Variants in STK32B observed in about 807,000 individuals in gnomAD.
The protein encoded by STK32B is serine/threonine kinase 32B.
STK32B carries 43 observed loss-of-function variants against 52.6 expected under a neutral mutation model. The observed-to-expected ratio is 0.82, with a 90% CI of 0.64 to 1.05. The LOEUF is 1.05. Among genes scored for constraint, STK32B ranks in the 50% least tolerant of loss-of-function variants. The pLI is 0.00. For synonymous variants in STK32B, 238 were observed against 204.3 expected (o/e 1.17, Z -1.41); for missense variants, 621 against 534.6 (o/e 1.16, Z -1.59).
chr4:5,262,697 AT>A (rs1327325418), intron 3 of STK32B, among the ~76,000 whole-genome samples: 1 of 152,050 alleles, frequency 6.6e-6, no homozygotes, highest in Non-Finnish European at 1.5e-5. Context: ...GTATTAACCA[AT>A]TTTTTAAAGC....
chr4:5,111,340 TAGC>T (rs1714392594), intron 1 of STK32B, among the ~76,000 whole-genome samples: 1 of 152,252 alleles, frequency 6.6e-6, no homozygotes, highest in Non-Finnish European at 1.5e-5. Flanking sequence ...CTATTTATAA[TAGC>T]AGAGTCACAG....
At position 5,460,051 on chromosome 4, in the gene STK32B, T is replaced by C; in HGVS notation, c.784-52T>C. 6 of 1,614,044 alleles carry C rather than the reference T, an allele frequency of 3.7e-6. No homozygotes were observed. The highest frequency in any genetic ancestry group is 5.1e-6 in the Non-Finnish European group (6 of 1,179,970). Reference sequence around the variant, plus strand: ...AGACCCCCTCCTTCAGAGTCCCCGCTAACCTTGAGGGATGCCCAATTCATG... The same window carrying C: ...AGACCCCCTCCTTCAGAGTCCCCGCCAACCTTGAGGGATGCCCAATTCATG... On this transcript the variant is annotated intron_variant, in intron 8 of 11. Coordinates refer to ENST00000282908, the MANE Select transcript of STK32B (RefSeq NM_018401.3). The surrounding 1 kb of genome is among the most constrained non-coding windows in gnomAD (Gnocchi z 4.8).
At chr4:5,221,545 G>A (rs960211444) in intron 3 of STK32B, among the ~76,000 whole-genome samples, 3 of 152,200 alleles carry the variant, frequency 2.0e-5, no homozygotes, top group African/African-American at 2.4e-5. Context: ...AACCTCAGAT[G>A]TGAAATGGGG....
chr4:5,499,158 G>GA lies in STK32B; in HGVS notation c.*76dup. Reference sequence around the variant, plus strand: ...CACCCAGAGCCCCTCTTTGTGCCCTGATGGTCCCTGTCTCACCCCTGAAAA... The same window carrying GA: ...CACCCAGAGCCCCTCTTTGTGCCCTGAATGGTCCCTGTCTCACCCCTGAAAA... On this transcript the variant is annotated 3_prime_UTR_variant, in exon 12 of 12. Transcript: ENST00000282908. 4.0e-6 allele frequency: 6 copies of GA among 1,497,386 alleles called. No homozygotes were observed. The highest frequency in any genetic ancestry group is 5.4e-6 in the Non-Finnish European group (6 of 1,116,676). 92.8% of individuals were successfully genotyped at this position (1,497,386 alleles called of 1,614,324 possible). A position where few individuals can be genotyped will look rare whatever the true frequency, so the allele number is the denominator to read the frequency against.
the STK32B span, among the ~76,000 whole-genome samples, chr4:5,023,803 G>A: frequency 0.014 from 2,180 of 152,196 alleles, 163 homozygotes; most frequent in Admixed American, 0.12. Context: ...GCTCCTCCTT[G>A]TTTCAAAGTC....
intron 3 of STK32B, among the ~76,000 whole-genome samples, chr4:5,309,435 C>T (rs541363820): frequency 3.3e-5 from 5 of 152,156 alleles, no homozygotes; most frequent in Non-Finnish European, 7.4e-5. Context: ...CCAAAGCAAT[C>T]CTGAGCAAAA....
At chr4:5,350,839 C>T (rs1404307530) in intron 4 of STK32B, among the ~76,000 whole-genome samples, 1 of 151,796 alleles carries the variant, frequency 6.6e-6, no homozygotes, top group African/African-American at 2.4e-5. Flanking sequence ...AGGAGTAGCT[C>T]TACTATATCA....
intron 3 of STK32B, among the ~76,000 whole-genome samples, chr4:5,322,938 T>G (rs528815825): frequency 1.3e-5 from 2 of 152,320 alleles, no homozygotes; most frequent in South Asian, 4.1e-4. Flanking sequence ...GGCTGATGAT[T>G]GAGTACATGA....
intron 3 of STK32B, among the ~76,000 whole-genome samples, chr4:5,249,477 TCCTTCCTTCCTTCCTTCCTTCCTTCCTC>T (rs1560259359): frequency 1.5e-5 from 2 of 130,656 alleles, no homozygotes; most frequent in East Asian, 2.5e-4. Flanking sequence ...CTTCCTTCCT[TCCTTCCTTCCTTCCTTCCTTCCTTCCTC>T]CCTCCCTTCC....
chr4:5,217,627 T>G (rs1052722894), intron 3 of STK32B, among the ~76,000 whole-genome samples: 4 of 152,314 alleles, frequency 2.6e-5, no homozygotes, highest in African/African-American at 9.6e-5. Context: ...AGTCATACAA[T>G]GTGGCATCCA....
At chr4:5,447,575 G>A (rs560625563) in intron 7 of STK32B, among the ~76,000 whole-genome samples, 37 of 152,340 alleles carry the variant, frequency 2.4e-4, no homozygotes, top group African/African-American at 7.9e-4. Flanking sequence ...GGTCAAGGCT[G>A]CAGTGAGCCA....
In STK32B at chr4:5,086,874, C is replaced by A. The variant is rs559116139; in HGVS notation, c.52+34959C>A. Among the ~76,000 whole-genome samples the A allele has an allele frequency of 7.2e-5, 11 of 152,248 alleles. 1 individual carries two copies. The East Asian group carries it at 1.9e-3, about 27-fold the overall frequency. The stretch of plus-strand genomic sequence containing the variant: ...TTTAAAAATGAAGAAGAAATTAAGA[C>A]ATTTCCAGATAAACAAAAATTGAGT... On this transcript the variant is annotated intron_variant, in intron 1 of 11. Transcript: ENST00000282908.
At position 5,386,015 on chromosome 4, in the gene STK32B, C is replaced by T. The variant is rs1323218010; in HGVS notation, c.435-12192C>T. Among the ~76,000 whole-genome samples, 1 of 141,466 alleles carries T rather than the reference C, an allele frequency of 7.1e-6. No homozygotes were observed. Among genetic ancestry groups the T allele is most frequent in the African/African-American group, 2.6e-5 (1 of 38,052 alleles). 92.8% of individuals were successfully genotyped at this position (141,466 alleles called of 152,430 possible). A position where few individuals can be genotyped will look rare whatever the true frequency, so the allele number is the denominator to read the frequency against. ...CCCACCCATGGCCCCACCCACGGCTCCACTCACAGCCCCTACCCAGAGCCC... is the reference window on the plus strand; with the variant it reads ...CCCACCCATGGCCCCACCCACGGCTTCACTCACAGCCCCTACCCAGAGCCC... On this transcript the variant is annotated intron_variant, in intron 4 of 11. Coordinates refer to ENST00000282908, the MANE Select transcript of STK32B (RefSeq NM_018401.3). This position sits in a 1 kb window ranked among gnomAD's most constrained non-coding sequence, Gnocchi z 4.5.
intron 3 of STK32B, among the ~76,000 whole-genome samples, chr4:5,299,831 G>C (rs758317966): frequency 6.6e-6 from 1 of 152,162 alleles, no homozygotes; most frequent in Non-Finnish European, 1.5e-5. Flanking sequence ...CCCTGGACCA[G>C]ATGGATTAAC....
Position 5,400,425 on chromosome 4 carries a change from G to A in STK32B, c.472+2181G>A, listed in dbSNP as rs920535463. ...CCTGCTTGGCCTTCACAGTGTCCCA[G>A]CCCTGCCTTCTGGCTATGCAGCACC... On this transcript the variant is annotated intron_variant, in intron 5 of 11. Coordinates refer to ENST00000282908, the MANE Select transcript of STK32B (RefSeq NM_018401.3). The surrounding 1 kb of genome is among the most constrained non-coding windows in gnomAD (Gnocchi z 6.1). Among the ~76,000 whole-genome samples, 3 of 152,012 alleles carry A rather than the reference G, an allele frequency of 2.0e-5. No homozygotes were observed. Among genetic ancestry groups the A allele is most frequent in the African/African-American group, 4.8e-5 (2 of 41,374 alleles).
chr4:5,499,241 T>G lies in STK32B; in HGVS notation c.*158T>G. ...CTGGGAAGCCTGGGTTCTGGTCCCATCTCCATGACTGATTCACGTGTGACC... is the reference window on the plus strand; with the variant it reads ...CTGGGAAGCCTGGGTTCTGGTCCCAGCTCCATGACTGATTCACGTGTGACC... On this transcript the variant is annotated 3_prime_UTR_variant, in exon 12 of 12. Coordinates refer to ENST00000282908, the MANE Select transcript of STK32B (RefSeq NM_018401.3). 9.9e-7 allele frequency: 1 copy of G among 1,006,694 alleles called. No individual in the cohort carries two copies. The highest frequency in any genetic ancestry group is 1.4e-6 in the Non-Finnish European group (1 of 733,096). 62.4% of individuals were successfully genotyped at this position (1,006,694 alleles called of 1,614,324 possible). A position where few individuals can be genotyped will look rare whatever the true frequency, so the allele number is the denominator to read the frequency against.
At chr4:5,061,040 T>G (rs1742198417) in intron 1 of STK32B, among the ~76,000 whole-genome samples, 1 of 152,214 alleles carries the variant, frequency 6.6e-6, no homozygotes, top group African/African-American at 2.4e-5. Context: ...AGTGGCTTTG[T>G]TAGTGTTGGA....
intron 3 of STK32B, among the ~76,000 whole-genome samples, chr4:5,280,782 C>A (rs6857909): frequency 0.1 from 15,852 of 151,882 alleles, 2,302 homozygotes; most frequent in African/African-American, 0.33. Context: ...GCCTGTAATC[C>A]CAGCTACTTG....
chr4:5,294,074 G>A (rs1729048468), intron 3 of STK32B, among the ~76,000 whole-genome samples: 1 of 152,122 alleles, frequency 6.6e-6, no homozygotes, highest in South Asian at 2.1e-4. Flanking sequence ...TTTTTGTCAA[G>A]TTTGTCAAAG....
Sources: allele counts gnomAD v4.1 joint callset (sites outside exome capture counted in the v4.1 genomes callset), GRCh38; gene constraint gnomAD v4.1.1; non-coding constraint Gnocchi (gnomAD v3.1); transcripts MANE v1.5; gene names NCBI Gene and HGNC (gene_info 2026-07-23, HGNC 2026-07-21).